Variants in AP1AR observed in about 807,000 individuals in gnomAD.
AP1AR encodes the protein AP-1 complex-associated regulatory protein.
Under a neutral mutation model 46.3 loss-of-function variants are expected in AP1AR, and 29 were observed. That is an observed-to-expected ratio of 0.63 (90% CI 0.47 to 0.85). The LOEUF (loss-of-function observed/expected upper bound fraction) is 0.85. AP1AR is among the 40% of genes least tolerant of loss of function. The pLI is 0.00. For missense variants in AP1AR, 357 were observed against 356.3 expected (o/e 1.00, Z -0.02); for synonymous variants, 122 against 122.9 (o/e 0.99, Z 0.05).
Position 112,266,601 on chromosome 4 carries a change from T to C in AP1AR, c.528T>C (p.Asp176=), listed in dbSNP as rs1049157215. The C allele has an allele frequency of 1.2e-6, 2 of 1,610,270 alleles. No individual in the cohort carries two copies. Among genetic ancestry groups the C allele is most frequent in the African/African-American group, 2.7e-5 (2 of 74,876 alleles). Residue 176 remains aspartate, a synonymous_variant, in exon 9 of 10, where the codon GAT becomes GAC. Coordinates refer to ENST00000274000, the MANE Select transcript of AP1AR (RefSeq NM_018569.6). ...TGTATATTCTAGGACTCTCATCAGA[T>C]GCTACAGTTTTGACACCAAATACAG... ...EVFRSSRLSS[D]ATVLTPNTES...
intron 1 of AP1AR, among the ~76,000 whole-genome samples, chr4:112,237,073 G>C (rs1725273349): frequency 6.6e-6 from 1 of 152,054 alleles, no homozygotes; most frequent in African/African-American, 2.4e-5. Flanking sequence ...ATACCAGATG[G>C]ACTGTGCTTG....
chr4:112,268,446 A>T lies in AP1AR; in HGVS notation c.*37A>T. The stretch of plus-strand genomic sequence containing the variant: ...GTGACCTTGTTTATCAGTTATGACC[A>T]AATGTTAAAAACCAACTAGAATGTA... On this transcript the variant is annotated 3_prime_UTR_variant, in exon 10 of 10. Transcript: ENST00000274000. The T allele has an allele frequency of 6.6e-7, 1 of 1,525,222 alleles. No homozygotes were observed. Among genetic ancestry groups the T allele is most frequent in the African/African-American group, 1.4e-5 (1 of 72,268 alleles). The allele number at this position is 1,525,222 out of a possible 1,614,324, so 94.5% of individuals were successfully genotyped here. A position where few individuals can be genotyped will look rare whatever the true frequency, so the allele number is the denominator to read the frequency against.
At chr4:112,261,720 G>A (rs1028148095) in intron 5 of AP1AR, among the ~76,000 whole-genome samples, 1 of 151,950 alleles carries the variant, frequency 6.6e-6, no homozygotes, top group African/African-American at 2.4e-5. Context: ...TGTAGTTCCA[G>A]CACTTTGGGA....
At chr4:112,245,865 C>A (rs1195371888) in intron 1 of AP1AR, among the ~76,000 whole-genome samples, 2 of 151,868 alleles carry the variant, frequency 1.3e-5, no homozygotes, top group Non-Finnish European at 1.5e-5. Context: ...ATAAAATGTT[C>A]TTATTATTCT....
intron 1 of AP1AR, among the ~76,000 whole-genome samples, chr4:112,240,016 T>C (rs535183677): frequency 7.7e-4 from 118 of 152,358 alleles, no homozygotes; most frequent in African/African-American, 2.7e-3. Flanking sequence ...TAAATGCACA[T>C]CTGATACTCT....
intron 6 of AP1AR, 28 bp from the exon 7 acceptor site, chr4:112,264,980 AT>A (rs549384439): frequency 3.8e-5 from 59 of 1,560,042 alleles, no homozygotes; most frequent in Admixed American, 1.4e-4. Flanking sequence ...CAACAGAGTG[AT>A]TTTTTTTATT....
intron 2 of AP1AR, 154 bp downstream of exon 2, chr4:112,253,410 C>A: frequency 1.6e-6 from 1 of 625,572 alleles, no homozygotes; most frequent in Non-Finnish European, 2.8e-6. Flanking sequence ...AGAGTTGGAG[C>A]AGTGAGGGAA....
intron 9 of AP1AR, among the ~76,000 whole-genome samples, chr4:112,267,515 T>G (rs1189184479): frequency 1.3e-5 from 2 of 151,948 alleles, no homozygotes; most frequent in African/African-American, 4.8e-5. Context: ...AAGAGCATAA[T>G]ACCACAGACT....
chr4:112,257,749 T>C, intron 3 of AP1AR, 23 bp from the exon 4 acceptor site: 1 of 1,539,344 alleles, frequency 6.5e-7, no homozygotes, highest in Non-Finnish European at 8.8e-7. Flanking sequence ...TTTGTTTTAA[T>C]TGTTTAATTA....
intron 3 of AP1AR, among the ~76,000 whole-genome samples, chr4:112,257,372 A>C (rs1726241903): frequency 6.6e-6 from 1 of 152,168 alleles, no homozygotes; most frequent in Admixed American, 6.5e-5. Context: ...TAAATTTTCC[A>C]AGTAGGCAAA....
chr4:112,244,450 A>G (rs1263236901), intron 1 of AP1AR, among the ~76,000 whole-genome samples: 1 of 152,198 alleles, frequency 6.6e-6, no homozygotes, highest in Non-Finnish European at 1.5e-5. Context: ...AGGCTTTCTT[A>G]GTCAACTTGA....
chr4:112,246,817 C>T (rs1159801307), intron 1 of AP1AR, among the ~76,000 whole-genome samples: 1 of 152,210 alleles, frequency 6.6e-6, no homozygotes, highest in Non-Finnish European at 1.5e-5. Context: ...GACCAGATAG[C>T]CCAGTTCCTT....
intron 1 of AP1AR, among the ~76,000 whole-genome samples, chr4:112,242,110 T>C (rs1725526292): frequency 6.6e-6 from 1 of 152,230 alleles, no homozygotes; most frequent in Non-Finnish European, 1.5e-5. Context: ...TAAGTCACTT[T>C]GATATGAGTA....
chr4:112,239,039 C>A (rs1375855582), intron 1 of AP1AR, among the ~76,000 whole-genome samples: 1 of 152,158 alleles, frequency 6.6e-6, no homozygotes, highest in East Asian at 1.9e-4. Flanking sequence ...CAAGTCCCTG[C>A]CTTCTGAGTG....
chr4:112,247,411 C>G (rs1182090191), intron 1 of AP1AR, among the ~76,000 whole-genome samples: 1 of 152,144 alleles, frequency 6.6e-6, no homozygotes, highest in Non-Finnish European at 1.5e-5. Context: ...GTTGTAGTTT[C>G]GAATTTGAAT....
chr4:112,254,357 C>G (rs1726090942), intron 2 of AP1AR, among the ~76,000 whole-genome samples: 1 of 152,112 alleles, frequency 6.6e-6, no homozygotes, highest in Non-Finnish European at 1.5e-5. Context: ...CTTTTAGTCC[C>G]CATTCCTTGA....
Position 112,232,136 on chromosome 4 carries a change from G to A in AP1AR, c.45G>A (p.Lys15=). ...CWTQCFGLLR[K]EAGRLQRVGG... The stretch of plus-strand genomic sequence containing the variant: ...CGCAGTGCTTCGGACTGCTTCGCAA[G>A]GAAGCGGGGCGGCTGCAGCGAGTAG... The change falls in exon 1 of 10, where the codon AAG becomes AAA. Residue 15 remains lysine, a synonymous_variant. Transcript: ENST00000274000. The A allele has an allele frequency of 1.6e-6, 2 of 1,279,548 alleles. No individual in the cohort carries two copies. The highest frequency in any genetic ancestry group is 2.8e-5 in the South Asian group (1 of 35,118). The allele number at this position is 1,279,548 out of a possible 1,614,324, so 79.3% of individuals were successfully genotyped here.
At chr4:112,258,058 T>C (rs1256341560) in intron 4 of AP1AR, among the ~76,000 whole-genome samples, 2 of 152,196 alleles carry the variant, frequency 1.3e-5, no homozygotes, top group Non-Finnish European at 2.9e-5. Context: ...CTTAAAACCA[T>C]TTAATACTGA....
At chr4:112,253,132 A>C in intron 1 of AP1AR, 76 bp from the exon 2 acceptor site, 1 of 1,103,224 alleles carries the variant, frequency 9.1e-7, no homozygotes, top group Non-Finnish European at 1.3e-6. Context: ...TGAGGAAATA[A>C]ATGTTTTTAT....
Sources: allele counts gnomAD v4.1 joint callset (sites outside exome capture counted in the v4.1 genomes callset), GRCh38; gene constraint gnomAD v4.1.1; transcripts MANE v1.5; gene names NCBI Gene and HGNC (gene_info 2026-07-23, HGNC 2026-07-21).